Variants in UNC5D observed in about 807,000 individuals in gnomAD.
UNC5D encodes the protein netrin receptor UNC5D.
In UNC5D, 39 loss-of-function variants were observed where a neutral mutation model predicts 105.4. The ratio of observed to expected loss-of-function variants is 0.37; its 90% CI spans 0.29 to 0.48. The LOEUF (loss-of-function observed/expected upper bound fraction) is 0.48. Ranked by LOEUF, UNC5D falls within the 20% of genes least tolerant of loss-of-function variation. The pLI is 0.98. For missense variants in UNC5D, 991 were observed against 1,202.4 expected, an observed-to-expected ratio of 0.82 and a Z score of 2.60; for synonymous variants, 452 against 450.4, an observed-to-expected ratio of 1.00 and a Z score of -0.04.
intron 4 of UNC5D, among the ~76,000 whole-genome samples, chr8:35,638,631 A>G (rs1021347735): frequency 1.3e-5 from 2 of 150,348 alleles, no homozygotes; most frequent in Non-Finnish European, 3.0e-5. Flanking sequence ...TCATCTCTAT[A>G]AAAAAAAATA....
intron 1 of UNC5D, among the ~76,000 whole-genome samples, chr8:35,362,434 T>C (rs1020793104): frequency 8.5e-5 from 13 of 152,150 alleles, no homozygotes; most frequent in East Asian, 3.8e-4. Context: ...GCTAAGTGCA[T>C]AGGTTTTGCA....
chr8:35,278,305 T>C (rs1323325387), intron 1 of UNC5D, among the ~76,000 whole-genome samples: 1 of 152,176 alleles, frequency 6.6e-6, no homozygotes, highest in African/African-American at 2.4e-5. Flanking sequence ...TGAGCTGGGA[T>C]CACTTCCACA....
At chr8:35,679,044 T>C (rs926655723) in intron 4 of UNC5D, among the ~76,000 whole-genome samples, 23 of 151,912 alleles carry the variant, frequency 1.5e-4, no homozygotes, top group African/African-American at 5.6e-4. Context: ...AGCCCAGGAG[T>C]TCGAGACCAG....
At chr8:35,677,492 TA>T (rs1825330248) in intron 4 of UNC5D, among the ~76,000 whole-genome samples, 1 of 152,114 alleles carries the variant, frequency 6.6e-6, no homozygotes, top group Admixed American at 6.5e-5. Flanking sequence ...TTTTATTTAT[TA>T]AACTGTTCTA....
chr8:35,412,960 C>T (rs1202113545), intron 1 of UNC5D, among the ~76,000 whole-genome samples: 2 of 152,124 alleles, frequency 1.3e-5, no homozygotes, highest in Admixed American at 6.5e-5. Flanking sequence ...TCATAACACA[C>T]GTGTGGGTCT....
chr8:35,318,510 C>T (rs543788256), intron 1 of UNC5D, among the ~76,000 whole-genome samples: 1 of 152,162 alleles, frequency 6.6e-6, no homozygotes, highest in African/African-American at 2.4e-5. Flanking sequence ...GCATCTGATT[C>T]TGTTTTATCA....
chr8:35,721,846 G>A (rs918070433), intron 8 of UNC5D, among the ~76,000 whole-genome samples: 1 of 152,130 alleles, frequency 6.6e-6, no homozygotes, highest in African/African-American at 2.4e-5. Flanking sequence ...GTCTGCCCTC[G>A]CTCTGGTAAA....
At chr8:35,615,875 ATAG>A (rs1304907235) in intron 4 of UNC5D, among the ~76,000 whole-genome samples, 1 of 152,200 alleles carries the variant, frequency 6.6e-6, no homozygotes, top group Non-Finnish European at 1.5e-5. Context: ...TGGGCTGCAC[ATAG>A]TAGTAAACTC....
chr8:35,398,339 C>A (rs570778415), intron 1 of UNC5D, among the ~76,000 whole-genome samples: 125 of 152,218 alleles, frequency 8.2e-4, no homozygotes, highest in Non-Finnish European at 1.3e-3. Context: ...TTCCACCATA[C>A]TACTCATCTC....
Position 35,585,007 on chromosome 8 carries a change from AC to A in UNC5D, c.467-10546del, listed in dbSNP as rs1029345749. 3.9e-5 allele frequency among the ~76,000 whole-genome samples: 6 copies of A among 152,188 alleles called. 1 individual carries two copies. The highest frequency in any genetic ancestry group is 1.2e-4 in the African/African-American group (5 of 41,440). On this transcript the variant is annotated intron_variant, in intron 3 of 16. Transcript: ENST00000404895. Reference sequence around the variant, plus strand: ...TGTTGGGAGTAGCTCAATAGAGAATACTTTAAATTAGTTCTTAAAGCATTTT... The same window carrying A: ...TGTTGGGAGTAGCTCAATAGAGAATATTTAAATTAGTTCTTAAAGCATTTT...
At chr8:35,324,811 A>G (rs549336261) in intron 1 of UNC5D, among the ~76,000 whole-genome samples, 1 of 152,214 alleles carries the variant, frequency 6.6e-6, no homozygotes, top group South Asian at 2.1e-4. Flanking sequence ...TCTGTGCTGA[A>G]AAAGGCAGCC....
intron 3 of UNC5D, among the ~76,000 whole-genome samples, chr8:35,593,044 T>A (rs1819269502): frequency 7.6e-6 from 1 of 131,610 alleles, no homozygotes; most frequent in African/African-American, 3.4e-5. Flanking sequence ...CAGTAGTTTT[T>A]ATACACACAC....
chr8:35,704,613 T>C (rs1299943330), intron 7 of UNC5D, among the ~76,000 whole-genome samples: 2 of 152,136 alleles, frequency 1.3e-5, no homozygotes, highest in Non-Finnish European at 2.9e-5. Flanking sequence ...TGGATCCCTG[T>C]AGTCAGACAA....
At chr8:35,286,326 G>A (rs758268918) in intron 1 of UNC5D, among the ~76,000 whole-genome samples, 4 of 152,116 alleles carry the variant, frequency 2.6e-5, no homozygotes, top group Non-Finnish European at 5.9e-5. Flanking sequence ...CAAGAACTTG[G>A]GAGTGAGTGC....
intron 4 of UNC5D, 64 bp downstream of exon 4, chr8:35,595,721 G>T (rs2130902666): frequency 6.8e-7 from 1 of 1,472,122 alleles, no homozygotes; most frequent in East Asian, 2.3e-5. Context: ...AGGGAGGGCG[G>T]AGTCCTGTGT....
At chr8:35,279,090 G>C (rs1247842999) in intron 1 of UNC5D, among the ~76,000 whole-genome samples, 1 of 152,112 alleles carries the variant, frequency 6.6e-6, no homozygotes, top group Non-Finnish European at 1.5e-5. Flanking sequence ...AGCCTAGGAG[G>C]CTCTGTCGAA....
chr8:35,326,479 G>T (rs1185533497), intron 1 of UNC5D, among the ~76,000 whole-genome samples: 2 of 152,178 alleles, frequency 1.3e-5, no homozygotes, highest in East Asian at 3.9e-4. Flanking sequence ...AATAGGCTGG[G>T]CACAGTGGCT....
intron 1 of UNC5D, among the ~76,000 whole-genome samples, chr8:35,330,861 A>G (rs1409288513): frequency 6.6e-6 from 1 of 152,170 alleles, no homozygotes; most frequent in African/African-American, 2.4e-5. Context: ...GGATAAAGTG[A>G]TAAGTGGGTT....
At chr8:35,554,221 A>G (rs544377337) in intron 2 of UNC5D, among the ~76,000 whole-genome samples, 2 of 152,316 alleles carry the variant, frequency 1.3e-5, no homozygotes, top group South Asian at 2.1e-4. Context: ...CCTGTCATCT[A>G]ACAGTTCAAA....
Sources: gnomAD v4.1 joint callset for allele counts (sites outside exome capture counted in the v4.1 genomes callset) on GRCh38, gnomAD v4.1.1 for gene constraint, MANE v1.5 for transcripts, NCBI Gene and HGNC (gene_info 2026-07-23, HGNC 2026-07-21) for gene names.